KASH5: variants seen among roughly 807,000 people sequenced by gnomAD.
The protein encoded by KASH5 is protein KASH5.
Under a neutral mutation model 84.2 loss-of-function variants are expected in KASH5, and 72 were observed. The observed-to-expected ratio is 0.85, with a 90% CI of 0.71 to 1.04. The LOEUF (loss-of-function observed/expected upper bound fraction) is 1.04, where lower values mean the gene tolerates loss of function less well. KASH5 is among the 50% of genes least tolerant of loss of function. The probability of loss-of-function intolerance (pLI) is 0.00; values close to 1 mark genes in which losing one functional copy is unlikely to be tolerated. For missense variants in KASH5, 650 were observed against 701.0 expected (o/e 0.93, Z 0.82); for synonymous variants, 260 against 279.1 (o/e 0.93, Z 0.68).
rs1213920198 is a variant in KASH5 at position 49,407,182 on chromosome 19, G to A, written c.877-58G>A. The A allele has an allele frequency of 1.9e-6, 3 of 1,581,814 alleles. No individual in the cohort carries two copies. In the African/African-American group the frequency reaches 4.0e-5, roughly 21 times the overall value. ...GAGAACAGGTGGGGCCAGGTGGAGG[G>A]CAGGACCAAGGGGAGTCCTGGGAGG... On this transcript the variant is annotated intron_variant, in intron 10 of 19. Transcript: ENST00000447857.
chr19:49,401,075 T>C (rs1974346765), intron 9 of KASH5, among the ~76,000 whole-genome samples: 1 of 152,244 alleles, frequency 6.6e-6, no homozygotes, highest in South Asian at 2.1e-4. Context: ...CACTGTGTGC[T>C]GGCATCTACT....
chr19:49,407,605 T>C lies in KASH5; in HGVS notation c.934-7T>C, dbSNP rs1974570079. ...TCCCAGTCTCATTTGGCTTTCGGCT[T>C]TCCTAGCGCACTCGCGATGTGGAGA... On this transcript the variant is annotated splice_polypyrimidine_tract_variant and splice_region_variant and intron_variant, in intron 11 of 19. Coordinates refer to ENST00000447857, the MANE Select transcript of KASH5 (RefSeq NM_144688.5). 2 of 1,589,004 alleles carry C rather than the reference T, an allele frequency of 1.3e-6. No individual in the cohort carries two copies. Among genetic ancestry groups the C allele is most frequent in the Admixed American group, 1.8e-5 (1 of 56,482 alleles).
intron 9 of KASH5, among the ~76,000 whole-genome samples, chr19:49,406,517 C>T (rs1210351869): frequency 6.6e-6 from 1 of 152,152 alleles, no homozygotes; most frequent in Non-Finnish European, 1.5e-5. Context: ...GCTGGGATTA[C>T]AGGCACGCAC....
rs1445067207 is a variant in KASH5 at position 49,412,609 on chromosome 19, T to C, written c.1270-359T>C. Among the ~76,000 whole-genome samples the C allele has an allele frequency of 6.6e-6, 1 of 152,132 alleles. No homozygotes were observed. The highest frequency in any genetic ancestry group is 1.5e-5 in the Non-Finnish European group (1 of 68,010). On this transcript the variant is annotated intron_variant, in intron 15 of 19. Transcript: ENST00000447857. The surrounding 1 kb of genome is among the most constrained non-coding windows in gnomAD (Gnocchi z 4.6). ...TGGGAACCTGGGATGAGAAGGCGGT[T>C]GGACAGGGAAATGCTGATCTCCTCT...
At position 49,414,177 on chromosome 19, in the gene KASH5, A is replaced by G. The variant is rs1974816830; in HGVS notation, c.1329-774A>G. ...AGGGTCAGGAGCCAGATCTCCTCCT[A>G]GACCGAGACTCGCTGAGGGAAGGGT... On this transcript the variant is annotated intron_variant, in intron 16 of 19. Transcript: ENST00000447857. The surrounding 1 kb of genome is among the most constrained non-coding windows in gnomAD (Gnocchi z 4.5). Among the ~76,000 whole-genome samples, 1 of 152,108 alleles carries G rather than the reference A, an allele frequency of 6.6e-6. No individual in the cohort carries two copies. The highest frequency in any genetic ancestry group is 1.5e-5 in the Non-Finnish European group (1 of 68,002).
At chr19:49,415,367 A>C in intron 17 of KASH5, 3 of 343,730 alleles carry the variant, frequency 8.7e-6, no homozygotes, top group African/African-American at 2.1e-5. Context: ...CAGCCTCAGA[A>C]CTCCCTGGGG....
At chr19:49,391,214 ACTTTAT>A (rs1296242801) in intron 2 of KASH5, among the ~76,000 whole-genome samples, 4 of 152,012 alleles carry the variant, frequency 2.6e-5, no homozygotes, top group Non-Finnish European at 5.9e-5. Flanking sequence ...GGCACTTCTT[ACTTTAT>A]GTAAAGCAGC....
In KASH5 at chr19:49,409,762, G is replaced by C; in HGVS notation, c.1156G>C (p.Val386Leu). The change falls in exon 15 of 20, where the codon GTG becomes CTG. Residue 386 changes from valine to leucine, a missense_variant. Val to Leu is a conservative substitution (Grantham distance 32, BLOSUM62 1). Coordinates refer to ENST00000447857, the MANE Select transcript of KASH5 (RefSeq NM_144688.5). ...ACAACTTCTGTCCCAGAAACAGGAA[G>C]TGGCAACTGCTGATCTCTCCAACCC... ...EIEAIRQKQE[V>L]ATADLSNPLC... 1 of 1,613,934 alleles carries C rather than the reference G, an allele frequency of 6.2e-7. No individual in the cohort carries two copies. The highest frequency in any genetic ancestry group is 8.5e-7 in the Non-Finnish European group (1 of 1,179,838).
In KASH5 at chr19:49,398,280, T is replaced by C. The variant is rs186705959; in HGVS notation, c.629+137T>C. On this transcript the variant is annotated intron_variant, in intron 7 of 19. Transcript: ENST00000447857. ...CCTGTCCTTTCTTTTCCCTTTTCTGTTTTTATCTTTTGTGTCTCTCTGATT... is the reference window on the plus strand; with the variant it reads ...CCTGTCCTTTCTTTTCCCTTTTCTGCTTTTATCTTTTGTGTCTCTCTGATT... The C allele has an allele frequency of 2.1e-5, 16 of 748,902 alleles. No individual in the cohort carries two copies. The Admixed American group carries it at 2.4e-4, about 11-fold the overall frequency. 46.4% of individuals were successfully genotyped at this position (748,902 alleles called of 1,614,324 possible).
At chr19:49,415,810 C>A (rs1365719966) in intron 17 of KASH5, among the ~76,000 whole-genome samples, 1 of 152,198 alleles carries the variant, frequency 6.6e-6, no homozygotes, top group Non-Finnish European at 1.5e-5. Flanking sequence ...GGGCCTGGGT[C>A]CCTGCCTGGC....
rs9807898 is a variant in KASH5, at chr19:49,399,733, A to G, written c.798+226A>G. The G allele has an allele frequency of 1.1e-5, 14 of 1,318,052 alleles. No individual in the cohort carries two copies. The South Asian group carries it at 1.9e-4, about 18-fold the overall frequency. 81.6% of individuals were successfully genotyped at this position (1,318,052 alleles called of 1,614,324 possible). On this transcript the variant is annotated intron_variant, in intron 9 of 19. Transcript: ENST00000447857. This position sits in a 1 kb window ranked among gnomAD's most constrained non-coding sequence, Gnocchi z 4.4. Reference sequence around the variant, plus strand: ...ACATGGCTTCAGGCTGAGGCCACCTACATAAGAGTGGACCAGTGCCTCCCT... The same window carrying G: ...ACATGGCTTCAGGCTGAGGCCACCTGCATAAGAGTGGACCAGTGCCTCCCT...
chr19:49,397,469 C>T (rs16981256), intron 5 of KASH5, among the ~76,000 whole-genome samples, 182 bp from the exon 6 acceptor site: 5,217 of 152,152 alleles, frequency 0.034, 280 homozygotes, highest in African/African-American at 0.12. Flanking sequence ...CCAGCCTGAG[C>T]TCAAGGTAGA....
chr19:49,390,935 C>T lies in KASH5; in HGVS notation c.43+9C>T, dbSNP rs755344157. On this transcript the variant is annotated intron_variant, in intron 2 of 19. Coordinates refer to ENST00000447857, the MANE Select transcript of KASH5 (RefSeq NM_144688.5). ...TGGCCCCACTGCGGAAAGTAAGTGG[C>T]TGGAACCCTATTTGCCCCGGGGAGG... 3 of 1,605,874 alleles carry T rather than the reference C, an allele frequency of 1.9e-6. No homozygotes were observed. In the South Asian group the frequency reaches 3.3e-5, roughly 18 times the overall value.
intron 1 of KASH5, among the ~76,000 whole-genome samples, chr19:49,389,052 C>A (rs1056920675): frequency 3.3e-5 from 5 of 149,540 alleles, no homozygotes; most frequent in Non-Finnish European, 6.0e-5. Flanking sequence ...CAGCCAGAGA[C>A]CCCCAGAAAT....
At position 49,416,884 on chromosome 19, in the gene KASH5, C is replaced by T; in HGVS notation, c.1375-131C>T. 1.1e-6 allele frequency: 1 copy of T among 876,954 alleles called. No homozygotes were observed. The highest frequency in any genetic ancestry group is 1.8e-6 in the Non-Finnish European group (1 of 551,090). 54.3% of individuals were successfully genotyped at this position (876,954 alleles called of 1,614,324 possible). A position where few individuals can be genotyped will look rare whatever the true frequency, so the allele number is the denominator to read the frequency against. ...TGGCAGAAATGGGAACCCGACCTGG[C>T]AGCAGAAGTGCACTCACTTATCTCC... is the stretch of plus-strand genomic sequence containing the variant. On this transcript the variant is annotated intron_variant, in intron 17 of 19. Transcript: ENST00000447857. The surrounding 1 kb of genome is among the most constrained non-coding windows in gnomAD (Gnocchi z 5.4).
intron 1 of KASH5, among the ~76,000 whole-genome samples, chr19:49,389,107 G>C (rs1368602407): frequency 2.5e-5 from 2 of 78,470 alleles, no homozygotes; most frequent in African/African-American, 1.2e-4. Context: ...AATCCAGCCA[G>C]AGACCCCCAG....
rs1974655632 is a variant in KASH5, at chr19:49,409,843, G to C, written c.1237G>C (p.Glu413Gln). ...CATCCATGAGACCAGTGAGGAAACT[G>C]AGTTTCCATCTGAAGCCCCAGCTGG... is the stretch of plus-strand genomic sequence containing the variant. ...EVIHETSEETEFPSEAPAGGQ... is the reference protein window; with the variant it reads ...EVIHETSEETQFPSEAPAGGQ... Residue 413 changes from glutamate (E) to glutamine (Q), a missense_variant, in exon 15 of 20, where the codon GAG becomes CAG. Glu to Gln is a conservative substitution (Grantham distance 29). Transcript: ENST00000447857. 1.2e-6 allele frequency: 2 copies of C among 1,613,816 alleles called. No individual in the cohort carries two copies. Among genetic ancestry groups the C allele is most frequent in the South Asian group, 2.2e-5 (2 of 91,072 alleles).
At chr19:49,397,008 T>C (rs1974203010) in intron 5 of KASH5, among the ~76,000 whole-genome samples, 1 of 150,992 alleles carries the variant, frequency 6.6e-6, no homozygotes, top group Non-Finnish European at 1.5e-5. Flanking sequence ...GAGCCATGCA[T>C]TGCACCACTG....
intron 5 of KASH5, among the ~76,000 whole-genome samples, chr19:49,397,055 T>TA (rs1568612039): frequency 8.5e-4 from 127 of 149,940 alleles, no homozygotes; most frequent in African/African-American, 2.9e-3. Context: ...ATCCTGTCTT[T>TA]TAAAAAAAAA....
Sources: gnomAD v4.1 joint callset for allele counts (sites outside exome capture counted in the v4.1 genomes callset) on GRCh38, gnomAD v4.1.1 for gene constraint, Gnocchi (gnomAD v3.1) non-coding constraint, MANE v1.5 for transcripts, NCBI Gene and HGNC (gene_info 2026-07-23, HGNC 2026-07-21) for gene names.